Variants in ADCY3 observed in about 807,000 individuals in gnomAD.
ADCY3 encodes adenylate cyclase 3, also known as adenylate cyclase type 3.
Under a neutral mutation model 119.4 loss-of-function variants are expected in ADCY3, and 70 were observed. That is an observed-to-expected ratio of 0.59 (90% CI 0.48 to 0.72). ADCY3 has a LOEUF of 0.72. Ranked by LOEUF, ADCY3 falls within the 30% of genes least tolerant of loss-of-function variation. The pLI is 0.00. For synonymous variants in ADCY3, 672 were observed against 621.4 expected (o/e 1.08, Z -1.21); for missense variants, 1,238 against 1,541.6 (o/e 0.80, Z 3.30).
At chr2:24,866,716 G>A (rs1674361940) in intron 3 of ADCY3, among the ~76,000 whole-genome samples, 2 of 151,862 alleles carry the variant, frequency 1.3e-5, no homozygotes, top group African/African-American at 4.8e-5. Context: ...TGACAAAATA[G>A]GAATACATCG....
chr2:24,828,051 G>A lies in ADCY3; in HGVS notation c.2283C>T (p.Ser761=), dbSNP rs751356378. 1 of 1,614,238 alleles carries A rather than the reference G, an allele frequency of 6.2e-7. No individual in the cohort carries two copies. The change falls in exon 14 of 22, where the codon TCC becomes TCT. Residue 761 remains serine, a synonymous_variant. Transcript: ENST00000679454. ...GCACCAGCATGATGGTGGCGATGAG[G>A]GACAGCACGGCCACATAGTTGTAAT... ...PKYYNYVAVL[S]LIATIMLVQV...
chr2:24,862,087 T>C (rs961755785), intron 3 of ADCY3, among the ~76,000 whole-genome samples: 1 of 152,194 alleles, frequency 6.6e-6, no homozygotes, highest in African/African-American at 2.4e-5. Flanking sequence ...AGGTCCAAGA[T>C]GACCAGCGGG....
chr2:24,843,605 G>A (rs1006352021), intron 3 of ADCY3, among the ~76,000 whole-genome samples: 3 of 152,246 alleles, frequency 2.0e-5, no homozygotes, highest in Admixed American at 2.0e-4. Context: ...CAGAGCCAAA[G>A]ATATTTACTA....
Position 24,842,405 on chromosome 2 carries a change from T to G in ADCY3, c.826-21A>C, listed in dbSNP as rs41281519. The G allele has an allele frequency of 0.075, 121,337 of 1,613,216 alleles. 5,068 individuals carry two copies. The highest frequency in any genetic ancestry group is 0.084 in the Non-Finnish European group (99,589 of 1,179,712). On this transcript the variant is annotated intron_variant, in intron 3 of 21. Coordinates refer to ENST00000679454, the MANE Select transcript of ADCY3 (RefSeq NM_004036.5). This position sits in a 1 kb window ranked among gnomAD's most constrained non-coding sequence, Gnocchi z 4.9. ...TTCTCCTGTGAGGGGCAGGAGAGGG[T>G]CAGAGGCAAAGGTAGGCCCTGCTAG...
At chr2:24,826,188 T>G (rs562958685) in intron 15 of ADCY3, 62 bp from the exon 16 acceptor site, 2 of 1,419,694 alleles carry the variant, frequency 1.4e-6, no homozygotes, top group African/African-American at 1.4e-5. Context: ...GGGGCCTGAT[T>G]CCCTCCAACT....
At chr2:24,876,596 C>T (rs1481864883) in intron 2 of ADCY3, among the ~76,000 whole-genome samples, 1 of 152,130 alleles carries the variant, frequency 6.6e-6, no homozygotes, top group Non-Finnish European at 1.5e-5. Context: ...TGAGCAGGGC[C>T]CTGAGCTGGC....
Position 24,919,176 on chromosome 2 carries a change from C to T in ADCY3, c.-189G>A, listed in dbSNP as rs1664818554. The T allele has an allele frequency of 1.6e-6, 1 of 609,192 alleles. No homozygotes were observed. Among genetic ancestry groups the T allele is most frequent in the Admixed American group, 3.0e-5 (1 of 33,616 alleles). The allele number at this position is 609,192 out of a possible 1,614,324, so 37.7% of individuals were successfully genotyped here. A position where few individuals can be genotyped will look rare whatever the true frequency, so the allele number is the denominator to read the frequency against. ...TTTCCAGAGCACAGGTAGCACTGAT[C>T]AGCTAGAACTGAAAAGGGCATTGCT... On this transcript the variant is annotated 5_prime_UTR_variant, in exon 2 of 22. Transcript: ENST00000679454. The surrounding 1 kb of genome is among the most constrained non-coding windows in gnomAD (Gnocchi z 5.5).
At position 24,918,190 on chromosome 2, in the gene ADCY3, A is replaced by G. The variant is rs772148150; in HGVS notation, c.675+123T>C. On this transcript the variant is annotated intron_variant, in intron 2 of 21. Coordinates refer to ENST00000679454, the MANE Select transcript of ADCY3 (RefSeq NM_004036.5). The surrounding 1 kb of genome is among the most constrained non-coding windows in gnomAD (Gnocchi z 5.4). ...GGCAGGGACTAGGGAGAGAGGTGAG[A>G]GCCCCGGAGGCCCCCAGGACACATT... The G allele has an allele frequency of 9.4e-7, 1 of 1,068,126 alleles. No individual in the cohort carries two copies. Among genetic ancestry groups the G allele is most frequent in the Non-Finnish European group, 1.3e-6 (1 of 742,940 alleles). The allele number at this position is 1,068,126 out of a possible 1,614,324, so 66.2% of individuals were successfully genotyped here. A position where few individuals can be genotyped will look rare whatever the true frequency, so the allele number is the denominator to read the frequency against.
At chr2:24,829,565 C>T (rs909629683) in intron 13 of ADCY3, among the ~76,000 whole-genome samples, 93 of 151,242 alleles carry the variant, frequency 6.1e-4, no homozygotes, top group African/African-American at 2.0e-3. Context: ...GGACTACAGG[C>T]GCCTGCCACC....
At chr2:24,859,315 C>T (rs1272102951) in intron 3 of ADCY3, among the ~76,000 whole-genome samples, 1 of 152,126 alleles carries the variant, frequency 6.6e-6, no homozygotes, top group East Asian at 1.9e-4. Flanking sequence ...AGAGGCACAG[C>T]CCTCCCACTC....
chr2:24,890,172 C>T (rs1005965025), intron 2 of ADCY3, among the ~76,000 whole-genome samples: 6 of 152,186 alleles, frequency 3.9e-5, no homozygotes, highest in Non-Finnish European at 7.4e-5. Context: ...CTGTGCAAAT[C>T]CCTACTTGGT....
At chr2:24,882,354 A>T (rs1438385245) in intron 2 of ADCY3, among the ~76,000 whole-genome samples, 1 of 152,210 alleles carries the variant, frequency 6.6e-6, no homozygotes, top group Non-Finnish European at 1.5e-5. Flanking sequence ...GTGAGCCCTT[A>T]AAGTAGGGCA....
At chr2:24,852,757 T>C (rs550521024) in intron 3 of ADCY3, among the ~76,000 whole-genome samples, 17 of 152,240 alleles carry the variant, frequency 1.1e-4, no homozygotes, top group African/African-American at 4.1e-4. Flanking sequence ...CCGCGGAAAC[T>C]TGGGTTGCCC....
intron 2 of ADCY3, among the ~76,000 whole-genome samples, chr2:24,896,279 G>A (rs773765695): frequency 7.2e-5 from 11 of 152,084 alleles, no homozygotes; most frequent in African/African-American, 1.4e-4. Flanking sequence ...CAGCTACTCC[G>A]GAGGCTGAGG....
rs556248650 is a variant in ADCY3, at chr2:24,820,835, G to A, written c.3141C>T (p.Gly1047=). ...NFMLRIGMNK[G]GVLAGVIGAR... is the part of the protein sequence containing the mutation. ...CTCCGATGACCCCAGCCAGAACCCC[G>A]CCTTTGTTCATGCCTAGGGTAGAGG... The change falls in exon 21 of 22, where the codon GGC becomes GGT. Residue 1047 remains glycine, a synonymous_variant. Coordinates refer to ENST00000679454, the MANE Select transcript of ADCY3 (RefSeq NM_004036.5). 2.2e-5 allele frequency: 35 copies of A among 1,613,918 alleles called. No individual in the cohort carries two copies. The highest frequency in any genetic ancestry group is 3.3e-5 in the Admixed American group (2 of 59,988).
rs761586430 is a variant in ADCY3 at position 24,841,549 on chromosome 2, G to A, written c.1068+7C>T. On this transcript the variant is annotated splice_region_variant and intron_variant, in intron 5 of 21. Coordinates refer to ENST00000679454, the MANE Select transcript of ADCY3 (RefSeq NM_004036.5). The surrounding 1 kb of genome is among the most constrained non-coding windows in gnomAD (Gnocchi z 5.8). Reference sequence around the variant, plus strand: ...CGCTGGAGAGCCAGGCGGGGCCAGGGACTTACAGCTGCCAGCTTGTCAAAG... The same window carrying A: ...CGCTGGAGAGCCAGGCGGGGCCAGGAACTTACAGCTGCCAGCTTGTCAAAG... 6.2e-7 allele frequency: 1 copy of A among 1,611,512 alleles called. No homozygotes were observed. The highest frequency in any genetic ancestry group is 8.5e-7 in the Non-Finnish European group (1 of 1,179,140).
chr2:24,833,389 TAGG>T (rs775495579), intron 11 of ADCY3, among the ~76,000 whole-genome samples: 16 of 152,272 alleles, frequency 1.1e-4, no homozygotes, highest in Admixed American at 2.0e-4. Context: ...GTCCCCCAGA[TAGG>T]AGAAGGCTCG....
intron 2 of ADCY3, among the ~76,000 whole-genome samples, chr2:24,876,618 C>T (rs544547519): frequency 3.9e-5 from 6 of 152,264 alleles, no homozygotes; most frequent in East Asian, 1.9e-4. Context: ...CTAGGAGGGA[C>T]GGTGGCGTGA....
intron 3 of ADCY3, among the ~76,000 whole-genome samples, chr2:24,853,005 G>T (rs1471242019): frequency 1.0e-5 from 1 of 95,370 alleles, no homozygotes; most frequent in South Asian, 3.5e-4. Flanking sequence ...ACAGCTGGAG[G>T]GTGTGTGTGT....
Sources: gnomAD v4.1 joint callset for allele counts (sites outside exome capture counted in the v4.1 genomes callset) on GRCh38, gnomAD v4.1.1 for gene constraint, Gnocchi (gnomAD v3.1) non-coding constraint, MANE v1.5 for transcripts, NCBI Gene and HGNC (gene_info 2026-07-23, HGNC 2026-07-21) for gene names.